SLC9A3: variants seen among roughly 807,000 people sequenced by gnomAD.
The protein encoded by SLC9A3 is sodium/hydrogen exchanger 3.
In SLC9A3, 37 loss-of-function variants were observed where a neutral mutation model predicts 86.8. That is an observed-to-expected ratio of 0.43 (90% CI 0.33 to 0.56). The LOEUF (loss-of-function observed/expected upper bound fraction) is 0.56, where lower values mean the gene tolerates loss of function less well. Among genes scored for constraint, SLC9A3 ranks in the 20% least tolerant of loss-of-function variants. The pLI is 0.06. For synonymous variants in SLC9A3, 581 were observed against 528.3 expected (o/e 1.10, Z -1.37); for missense variants, 1,011 against 1,171.9 (o/e 0.86, Z 2.00).
At chr5:484,490 G>C (rs772509870) in intron 5 of SLC9A3, 30 bp downstream of exon 5, 6 of 1,608,674 alleles carry the variant, frequency 3.7e-6, no homozygotes, top group Non-Finnish European at 5.1e-6. Flanking sequence ...GGAGGGCGTG[G>C]AGAAGCTCGC....
chr5:522,114 G>T (rs1345587339), intron 1 of SLC9A3, among the ~76,000 whole-genome samples: 10 of 152,064 alleles, frequency 6.6e-5, no homozygotes, highest in Non-Finnish European at 1.2e-4. Context: ...ACAGGGTAAG[G>T]CTCGCCTTCC....
At chr5:521,801 G>C (rs1246537793) in intron 1 of SLC9A3, among the ~76,000 whole-genome samples, 1 of 152,220 alleles carries the variant, frequency 6.6e-6, no homozygotes, top group Non-Finnish European at 1.5e-5. Flanking sequence ...ACCTGAGGCT[G>C]GCTGCACAAG....
chr5:476,531 C>T lies in SLC9A3; in HGVS notation c.1890+12G>A, dbSNP rs201358916. The T allele has an allele frequency of 2.0e-5, 33 of 1,609,824 alleles. No individual in the cohort carries two copies. The highest frequency in any genetic ancestry group is 2.7e-5 in the African/African-American group (2 of 74,876). On this transcript the variant is annotated intron_variant, in intron 12 of 16. Transcript: ENST00000264938. ...CTGCGGGGTCCTCCAGCCCCCAGCCCGCAGTGCCCACCTCCTGCCGCGGCT... is the reference window on the plus strand; with the variant it reads ...CTGCGGGGTCCTCCAGCCCCCAGCCTGCAGTGCCCACCTCCTGCCGCGGCT...
At chr5:520,881 C>T (rs1023520402) in intron 1 of SLC9A3, among the ~76,000 whole-genome samples, 7 of 152,160 alleles carry the variant, frequency 4.6e-5, no homozygotes, top group African/African-American at 1.7e-4. Flanking sequence ...CAGAGGAAGC[C>T]CAGGAAGGAA....
At chr5:510,262 C>T (rs1017852787) in intron 1 of SLC9A3, among the ~76,000 whole-genome samples, 11 of 152,216 alleles carry the variant, frequency 7.2e-5, no homozygotes, top group African/African-American at 2.4e-4. Flanking sequence ...GGAAAGGAAA[C>T]GTGGCCGTAC....
At position 491,974 on chromosome 5, in the gene SLC9A3, G is replaced by A. The variant is rs780658022; in HGVS notation, c.309C>T (p.Asp103=). 21 of 1,606,716 alleles carry A rather than the reference G, an allele frequency of 1.3e-5. No individual in the cohort carries two copies. Among genetic ancestry groups the A allele is most frequent in the Admixed American group, 1.7e-5 (1 of 59,310 alleles). The change falls in exon 2 of 17, where the codon GAC becomes GAT. Residue 103 remains aspartate, a synonymous_variant. Transcript: ENST00000264938. This position sits in a 1 kb window ranked among gnomAD's most constrained non-coding sequence, Gnocchi z 9.2. ...LVLGGIVWAA[D]HIASFTLTPT... ...GCGTCAGTGTGAAGGACGCGATGTG[G>A]TCGGCCGCCCAGACGATGCCGCCCA...
intron 1 of SLC9A3, among the ~76,000 whole-genome samples, chr5:499,070 C>T (rs1740154189): frequency 1.3e-5 from 2 of 152,220 alleles, no homozygotes; most frequent in Admixed American, 6.5e-5. Context: ...TTCTCATCTT[C>T]TCCTGAAACC....
In SLC9A3 at chr5:502,195, C is replaced by T. The variant is rs549560528; in HGVS notation, c.212-10124G>A. Among the ~76,000 whole-genome samples the T allele has an allele frequency of 4.0e-4, 61 of 152,350 alleles. No individual in the cohort carries two copies. In the South Asian group the frequency reaches 4.1e-3, roughly 10 times the overall value. On this transcript the variant is annotated intron_variant, in intron 1 of 16. Coordinates refer to ENST00000264938, the MANE Select transcript of SLC9A3 (RefSeq NM_004174.4). ...AGCAACCGCGCTGGGGCAAAATGAA[C>T]GCAGCCTCTGAGCCAGCCACGGCCT...
rs200474984 is a variant in SLC9A3, at chr5:481,588, G to A, written c.1494C>T (p.Ile498=). 8.7e-6 allele frequency: 14 copies of A among 1,613,836 alleles called. No individual in the cohort carries two copies. The African/African-American group carries it at 9.3e-5, about 11-fold the overall frequency. ...LSAIEDISGQ[I]GHNYLRDKWS... ...ACTTGTCTCTGAGATAATTGTGCCCGATCTGTCCGGATATGTCCTCGATGG... is the reference window on the plus strand; with the variant it reads ...ACTTGTCTCTGAGATAATTGTGCCCAATCTGTCCGGATATGTCCTCGATGG... Residue 498 remains isoleucine, a synonymous_variant, in exon 9 of 17, where the codon ATC becomes ATT. Coordinates refer to ENST00000264938, the MANE Select transcript of SLC9A3 (RefSeq NM_004174.4).
intron 2 of SLC9A3, among the ~76,000 whole-genome samples, chr5:490,492 A>C (rs928359470): frequency 2.6e-5 from 4 of 152,216 alleles, no homozygotes; most frequent in Admixed American, 2.6e-4. Flanking sequence ...GTCTCTGGCC[A>C]ATGCTAGGCG....
chr5:473,608 G>GC (rs1318918490), intron 16 of SLC9A3, among the ~76,000 whole-genome samples: 1 of 152,096 alleles, frequency 6.6e-6, no homozygotes, highest in Non-Finnish European at 1.5e-5. Context: ...ACGTCCCCCC[G>GC]CCGGGGGTCC....
At chr5:500,692 G>A (rs1407850836) in intron 1 of SLC9A3, among the ~76,000 whole-genome samples, 1 of 118,664 alleles carries the variant, frequency 8.4e-6, no homozygotes, top group African/African-American at 3.9e-5. Context: ...GGGGCCGTGT[G>A]GATGGGGCCA....
At position 497,774 on chromosome 5, in the gene SLC9A3, G is replaced by A. The variant is rs1231275842; in HGVS notation, c.212-5703C>T. On this transcript the variant is annotated intron_variant, in intron 1 of 16. Transcript: ENST00000264938. The surrounding 1 kb of genome is among the most constrained non-coding windows in gnomAD (Gnocchi z 5.4). Reference sequence around the variant, plus strand: ...GCCCCTGTCCCGGGTGGGGTCGCCCGGCCGCATCCCCAGCCTCTGCCCCTG... The same window carrying A: ...GCCCCTGTCCCGGGTGGGGTCGCCCAGCCGCATCCCCAGCCTCTGCCCCTG... Among the ~76,000 whole-genome samples the A allele has an allele frequency of 2.5e-3, 200 of 80,584 alleles. 2 individuals carry two copies. In the East Asian group the frequency reaches 0.088, roughly 35 times the overall value. The allele number at this position is 80,584 out of a possible 152,430, so 52.9% of individuals were successfully genotyped here. A position where few individuals can be genotyped will look rare whatever the true frequency, so the allele number is the denominator to read the frequency against.
At chr5:490,516 C>G (rs547205854) in intron 2 of SLC9A3, among the ~76,000 whole-genome samples, 1 of 152,216 alleles carries the variant, frequency 6.6e-6, no homozygotes, top group East Asian at 1.9e-4. Flanking sequence ...ACCATTGTGA[C>G]GTGGCCACAG....
chr5:517,136 C>T (rs763666556), intron 1 of SLC9A3, among the ~76,000 whole-genome samples: 6 of 151,794 alleles, frequency 4.0e-5, no homozygotes, highest in Non-Finnish European at 8.8e-5. Context: ...CCCATCCTTC[C>T]GCCCATCCCT....
intron 1 of SLC9A3, among the ~76,000 whole-genome samples, chr5:509,687 G>A (rs571821416): frequency 6.6e-6 from 1 of 152,170 alleles, no homozygotes; most frequent in Non-Finnish European, 1.5e-5. Flanking sequence ...CAGGGACCTG[G>A]CACAGCAGGT....
chr5:476,797 G>A, intron 11 of SLC9A3, 125 bp from the exon 12 acceptor site: 1 of 1,137,750 alleles, frequency 8.8e-7, no homozygotes, highest in Admixed American at 2.1e-5. Context: ...CCTTCCCATG[G>A]TGGGCACCCG....
At chr5:500,982 A>G (rs1337021724) in intron 1 of SLC9A3, among the ~76,000 whole-genome samples, 1 of 146,678 alleles carries the variant, frequency 6.8e-6, no homozygotes, top group African/African-American at 2.5e-5. Flanking sequence ...TGTGGCTTCC[A>G]CACAAGGGGA....
chr5:484,686 C>G lies in SLC9A3; in HGVS notation c.766G>C (p.Val256Leu). Residue 256 changes from valine (V) to leucine (L), a missense_variant, in exon 5 of 17, where the codon GTG becomes CTG. Val to Leu is a conservative substitution (Grantham distance 32, BLOSUM62 1). This residue lies in a region of SLC9A3 where 565 missense variants were observed against 790.0 expected (regional missense o/e 0.72). Transcript: ENST00000264938. ...ACCAGCGTGCCCCCCAGGCTCACCA[C>G]GAAGAAGGACACTGGGTAGAGGACG... ...DCVKGIVSFF[V>L]VSLGGTLVGV... 2 of 1,612,964 alleles carry G rather than the reference C, an allele frequency of 1.2e-6. No individual in the cohort carries two copies. The highest frequency in any genetic ancestry group is 1.7e-6 in the Non-Finnish European group (2 of 1,179,938).
Sources: gnomAD v4.1 joint callset for allele counts (sites outside exome capture counted in the v4.1 genomes callset) on GRCh38, gnomAD v4.1.1 for gene constraint, gnomAD v4.1.1 regional missense constraint, Gnocchi (gnomAD v3.1) non-coding constraint, MANE v1.5 for transcripts, NCBI Gene and HGNC (gene_info 2026-07-23, HGNC 2026-07-21) for gene names.